The following FAM20C variants were observed in gnomAD, a reference collection of about 807,000 sequenced individuals.
FAM20C encodes the protein extracellular serine/threonine protein kinase FAM20C.
In FAM20C, 40 loss-of-function variants were observed where a neutral mutation model predicts 51.5. That is an observed-to-expected ratio of 0.78 (90% CI 0.60 to 1.01). The LOEUF is 1.01. FAM20C is among the 50% of genes least tolerant of loss of function. FAM20C has a pLI of 0.00. For missense variants in FAM20C, 861 were observed against 844.7 expected, an observed-to-expected ratio of 1.02 and a Z score of -0.24; for synonymous variants, 406 against 380.6, an observed-to-expected ratio of 1.07 and a Z score of -0.78.
At chr7:251,001 C>T (rs914623794) in intron 5 of FAM20C, among the ~76,000 whole-genome samples, 5 of 152,238 alleles carry the variant, frequency 3.3e-5, no homozygotes, top group Non-Finnish European at 7.3e-5. Context: ...CACAGGGTCA[C>T]GCAGGGAGGG....
At chr7:228,237 T>C (rs1787520272) in intron 3 of FAM20C, 2 of 329,126 alleles carry the variant, frequency 6.1e-6, no homozygotes, top group Non-Finnish European at 1.2e-5. Flanking sequence ...AAATAAAAGA[T>C]AGGTCAGTAG....
At chr7:246,325 A>G (rs971467458) in intron 3 of FAM20C, 90 bp from the exon 4 acceptor site, 2 of 1,104,220 alleles carry the variant, frequency 1.8e-6, no homozygotes, top group Non-Finnish European at 2.6e-6. Flanking sequence ...CGCATTTTTC[A>G]TATGAGGAAC....
At chr7:257,395 A>C in intron 8 of FAM20C, 1 of 348,060 alleles carries the variant, frequency 2.9e-6, no homozygotes, top group South Asian at 4.4e-5. Flanking sequence ...CGTGCAGAAT[A>C]GATGGGCCTC....
intron 3 of FAM20C, among the ~76,000 whole-genome samples, chr7:212,720 C>T (rs1013870660): frequency 4.6e-5 from 7 of 152,140 alleles, no homozygotes; most frequent in African/African-American, 1.4e-4. Flanking sequence ...AGCACGTAGC[C>T]GGCACATCAA....
At chr7:243,821 C>G (rs947922977) in intron 3 of FAM20C, among the ~76,000 whole-genome samples, 1 of 152,048 alleles carries the variant, frequency 6.6e-6, no homozygotes, top group South Asian at 2.1e-4. Context: ...AGTTTCCTAG[C>G]GGCTTTATCA....
In FAM20C at chr7:193,112, C is replaced by T. The variant is rs1181589292; in HGVS notation, c.-88C>T. 3.2e-6 allele frequency: 4 copies of T among 1,232,358 alleles called. No individual in the cohort carries two copies. The highest frequency in any genetic ancestry group is 4.2e-6 in the Non-Finnish European group (4 of 954,254). 76.3% of individuals were successfully genotyped at this position (1,232,358 alleles called of 1,614,324 possible). A position where few individuals can be genotyped will look rare whatever the true frequency, so the allele number is the denominator to read the frequency against. On this transcript the variant is annotated 5_prime_UTR_variant, in exon 1 of 10. Coordinates refer to ENST00000313766, the MANE Select transcript of FAM20C (RefSeq NM_020223.4). ...CGCCCGGCACCGATGGACCTTGACCCGCGAGGCGGCGCCGCGCTCGTGCCC... is the reference window on the plus strand; with the variant it reads ...CGCCCGGCACCGATGGACCTTGACCTGCGAGGCGGCGCCGCGCTCGTGCCC...
At chr7:227,371 C>CA (rs1787487690) in intron 3 of FAM20C, among the ~76,000 whole-genome samples, 1 of 151,700 alleles carries the variant, frequency 6.6e-6, no homozygotes, top group East Asian at 1.9e-4. Flanking sequence ...TTTTTAATGC[C>CA]AAAAAAGGAA....
chr7:244,735 A>G (rs1788081183), intron 3 of FAM20C, among the ~76,000 whole-genome samples: 1 of 152,220 alleles, frequency 6.6e-6, no homozygotes, highest in Non-Finnish European at 1.5e-5. Flanking sequence ...TCCGCATTTT[A>G]TTTTTAAGTA....
chr7:258,181 A>G (rs868303043), intron 8 of FAM20C, among the ~76,000 whole-genome samples: 348 of 25,126 alleles, frequency 0.014, 8 homozygotes, highest in Middle Eastern at 0.05. Flanking sequence ...CCACTGCCTG[A>G]GGTGCTGGAG....
intron 2 of FAM20C, among the ~76,000 whole-genome samples, chr7:202,711 G>A (rs1161414803): frequency 5.5e-5 from 8 of 144,190 alleles, no homozygotes; most frequent in Admixed American, 2.1e-4. Context: ...AGGACGGGTG[G>A]CTGCTGGGTG....
intron 2 of FAM20C, among the ~76,000 whole-genome samples, chr7:207,061 C>T (rs1461442479): frequency 2.3e-5 from 1 of 44,036 alleles, no homozygotes; most frequent in African/African-American, 1.0e-4. Context: ...TCCCCTCGGC[C>T]CTGCACACGT....
chr7:243,898 T>G (rs1788035935), intron 3 of FAM20C, among the ~76,000 whole-genome samples: 1 of 150,198 alleles, frequency 6.7e-6, no homozygotes, highest in Admixed American at 6.7e-5. Context: ...AACTGATAAG[T>G]AGCTGAGGAT....
At chr7:240,541 T>A (rs1042546805) in intron 3 of FAM20C, among the ~76,000 whole-genome samples, 2 of 151,694 alleles carry the variant, frequency 1.3e-5, no homozygotes, top group South Asian at 4.2e-4. Context: ...GTGATGGTGA[T>A]GGTGGTAGAG....
intron 5 of FAM20C, among the ~76,000 whole-genome samples, chr7:254,825 G>T (rs1186701159): frequency 6.6e-6 from 1 of 152,206 alleles, no homozygotes; most frequent in East Asian, 1.9e-4. Context: ...CCTGTTCTGG[G>T]CGTTTCATAT....
At chr7:255,668 G>C (rs901890750) in intron 5 of FAM20C, among the ~76,000 whole-genome samples, 181 bp from the exon 6 acceptor site, 1 of 151,946 alleles carries the variant, frequency 6.6e-6, no homozygotes, top group East Asian at 1.9e-4. Flanking sequence ...CGTCAGCTCT[G>C]TGGGTTCATT....
chr7:195,824 G>A (rs982276409), intron 2 of FAM20C, 92 bp downstream of exon 2: 1 of 1,265,898 alleles, frequency 7.9e-7, no homozygotes, highest in Non-Finnish European at 1.0e-6. Flanking sequence ...AGAGGTCTGG[G>A]AGGCCGTTGC....
intron 7 of FAM20C, 81 bp from the exon 8 acceptor site, chr7:256,924 C>A: frequency 6.8e-7 from 1 of 1,472,070 alleles, no homozygotes; most frequent in South Asian, 1.2e-5. Context: ...GGAGGAGACG[C>A]CGCTCTGCAG....
chr7:209,112 C>T, intron 3 of FAM20C, 136 bp downstream of exon 3: 3 of 840,356 alleles, frequency 3.6e-6, no homozygotes, highest in Non-Finnish European at 5.7e-6. Context: ...TCTCAACTCT[C>T]CCCGTCATGG....
At chr7:254,624 T>C (rs922934879) in intron 5 of FAM20C, among the ~76,000 whole-genome samples, 2 of 152,164 alleles carry the variant, frequency 1.3e-5, no homozygotes, top group Admixed American at 1.3e-4. Flanking sequence ...TACCACAAAA[T>C]TTACCATTTA....
Sources: gnomAD v4.1 joint callset for allele counts (sites outside exome capture counted in the v4.1 genomes callset) on GRCh38, gnomAD v4.1.1 for gene constraint, MANE v1.5 for transcripts, NCBI Gene and HGNC (gene_info 2026-07-23, HGNC 2026-07-21) for gene names.